The following SLC25A37 variants were observed in gnomAD, a reference collection of about 807,000 sequenced individuals.
The protein encoded by SLC25A37 is solute carrier family 25 member 37.
SLC25A37 carries 17 observed loss-of-function variants against 31.0 expected under a neutral mutation model. The observed-to-expected ratio is 0.55, with a 90% CI of 0.38 to 0.82. The LOEUF (loss-of-function observed/expected upper bound fraction) is 0.82, where lower values mean the gene tolerates loss of function less well. SLC25A37 is among the 40% of genes least tolerant of loss of function. The probability of loss-of-function intolerance (pLI) is 0.00; values close to 1 mark genes in which losing one functional copy is unlikely to be tolerated. For missense variants in SLC25A37, 404 were observed against 465.8 expected (o/e 0.87, Z 1.22); for synonymous variants, 222 against 193.0 (o/e 1.15, Z -1.24).
intron 1 of SLC25A37, among the ~76,000 whole-genome samples, chr8:23,546,841 A>G (rs1436761468): frequency 1.3e-5 from 2 of 151,792 alleles, no homozygotes; most frequent in Non-Finnish European, 1.5e-5. Flanking sequence ...AAATTTTGGA[A>G]GGAAGTAGAG....
At chr8:23,550,564 C>T (rs899219454) in intron 1 of SLC25A37, among the ~76,000 whole-genome samples, 4 of 152,264 alleles carry the variant, frequency 2.6e-5, no homozygotes, top group Non-Finnish European at 5.9e-5. Context: ...CCACACCTGG[C>T]TTGGGAGACG....
intron 1 of SLC25A37, among the ~76,000 whole-genome samples, chr8:23,547,002 GCTTTGC>G (rs1294415965): frequency 6.6e-6 from 1 of 152,090 alleles, no homozygotes; most frequent in Non-Finnish European, 1.5e-5. Flanking sequence ...GGTTGGTGAC[GCTTTGC>G]CTGGCCTTGG....
At chr8:23,532,650 T>A (rs558365521) in intron 1 of SLC25A37, among the ~76,000 whole-genome samples, 2 of 152,240 alleles carry the variant, frequency 1.3e-5, no homozygotes, top group African/African-American at 4.8e-5. Context: ...TGCTTTGCTG[T>A]TGGGGGAAAC....
intron 1 of SLC25A37, among the ~76,000 whole-genome samples, chr8:23,555,432 C>T (rs1802338465): frequency 6.6e-6 from 1 of 152,136 alleles, no homozygotes; most frequent in Admixed American, 6.5e-5. Flanking sequence ...GCACATCCTG[C>T]TGTGACCTAT....
In SLC25A37 at chr8:23,569,453, C is replaced by A. The variant is rs375183229; in HGVS notation, c.496+1075C>A. 2.3e-4 allele frequency among the ~76,000 whole-genome samples: 34 copies of A among 149,442 alleles called. 1 individual carries two copies. The East Asian group carries it at 4.1e-3, about 18-fold the overall frequency. ...CTCACTCTCTTAGCCCTTGTTAACC[C>A]TTATCGATCCTAGACAAATGTATGG... On this transcript the variant is annotated intron_variant, in intron 3 of 3. Transcript: ENST00000519973.
intron 1 of SLC25A37, among the ~76,000 whole-genome samples, chr8:23,532,181 G>A (rs570024474): frequency 9.8e-5 from 15 of 152,330 alleles, no homozygotes; most frequent in Non-Finnish European, 1.8e-4. Flanking sequence ...GCTGCTTCCT[G>A]TGTCTTCTTC....
chr8:23,566,387 T>A, intron 2 of SLC25A37, 51 bp downstream of exon 2: 1 of 1,567,442 alleles, frequency 6.4e-7, no homozygotes, highest in Non-Finnish European at 8.6e-7. Context: ...CTTCAACACG[T>A]CCCTCCCCAG....
At chr8:23,558,908 C>A (rs951606331) in intron 1 of SLC25A37, among the ~76,000 whole-genome samples, 1 of 152,224 alleles carries the variant, frequency 6.6e-6, no homozygotes, top group African/African-American at 2.4e-5. Flanking sequence ...CCTCCAGGGG[C>A]CAGCCACACA....
chr8:23,545,312 C>A (rs748252076), intron 1 of SLC25A37, among the ~76,000 whole-genome samples: 3 of 152,240 alleles, frequency 2.0e-5, no homozygotes, highest in Non-Finnish European at 4.4e-5. Context: ...TTCCTGTCCT[C>A]TCTCTTTCCT....
intron 1 of SLC25A37, among the ~76,000 whole-genome samples, chr8:23,564,520 G>C (rs1399390906): frequency 6.6e-6 from 1 of 151,524 alleles, no homozygotes; most frequent in African/African-American, 2.4e-5. Flanking sequence ...GTGGGAGGAA[G>C]GAAAGGAGGG....
At chr8:23,531,589 A>G (rs1003128412) in intron 1 of SLC25A37, 3 of 152,240 alleles carry the variant, frequency 2.0e-5, no homozygotes, top group Non-Finnish European at 4.4e-5. Flanking sequence ...CTTGAAAGAG[A>G]GAAAGCTTTC....
At chr8:23,562,945 T>C (rs1395055617) in intron 1 of SLC25A37, among the ~76,000 whole-genome samples, 1 of 152,194 alleles carries the variant, frequency 6.6e-6, no homozygotes, top group African/African-American at 2.4e-5. Context: ...CTTTATTTGC[T>C]CTAAAACTTG....
At chr8:23,562,648 C>T (rs1802546803) in intron 1 of SLC25A37, among the ~76,000 whole-genome samples, 1 of 152,214 alleles carries the variant, frequency 6.6e-6, no homozygotes, top group Non-Finnish European at 1.5e-5. Context: ...GAATCACCGT[C>T]ATGTAGCCCC....
intron 1 of SLC25A37, among the ~76,000 whole-genome samples, chr8:23,551,826 T>A (rs772027899): frequency 1.3e-5 from 2 of 152,076 alleles, no homozygotes; most frequent in African/African-American, 2.4e-5. Flanking sequence ...AGCTTTGAGG[T>A]CCTGGGCCTA....
At chr8:23,546,859 TAG>T (rs1802081539) in intron 1 of SLC25A37, among the ~76,000 whole-genome samples, 1 of 151,968 alleles carries the variant, frequency 6.6e-6, no homozygotes, top group Non-Finnish European at 1.5e-5. Flanking sequence ...GAGAAGGAGT[TAG>T]AACTGTAATT....
At chr8:23,556,176 T>A (rs2117432071) in intron 1 of SLC25A37, among the ~76,000 whole-genome samples, 1 of 152,078 alleles carries the variant, frequency 6.6e-6, no homozygotes, top group South Asian at 2.1e-4. Flanking sequence ...GGGCAATGAC[T>A]ACTTTTAGGG....
At chr8:23,536,969 G>A (rs1801781703) in intron 1 of SLC25A37, among the ~76,000 whole-genome samples, 1 of 152,178 alleles carries the variant, frequency 6.6e-6, no homozygotes, top group Admixed American at 6.5e-5. Flanking sequence ...GCCGAGGTGG[G>A]AGGATCACTT....
At chr8:23,540,211 G>T (rs1801859979) in intron 1 of SLC25A37, among the ~76,000 whole-genome samples, 1 of 152,204 alleles carries the variant, frequency 6.6e-6, no homozygotes, top group Non-Finnish European at 1.5e-5. Flanking sequence ...AAAATTACAT[G>T]CCCTAGAACT....
At chr8:23,557,919 T>C (rs1172357258) in intron 1 of SLC25A37, among the ~76,000 whole-genome samples, 1 of 152,208 alleles carries the variant, frequency 6.6e-6, no homozygotes, top group African/African-American at 2.4e-5. Flanking sequence ...TTCCTTTCTC[T>C]GGGAGAAAGT....
Sources: allele counts gnomAD v4.1 joint callset (sites outside exome capture counted in the v4.1 genomes callset), GRCh38; gene constraint gnomAD v4.1.1; transcripts MANE v1.5; gene names NCBI Gene and HGNC (gene_info 2026-07-23, HGNC 2026-07-21).